MTUS2: variants seen among roughly 807,000 people sequenced by gnomAD.
MTUS2 encodes microtubule-associated tumor suppressor candidate 2.
Under a neutral mutation model 114.1 loss-of-function variants are expected in MTUS2, and 40 were observed. That is an observed-to-expected ratio of 0.35 (90% CI 0.27 to 0.46). MTUS2 has a LOEUF of 0.46. Among genes scored for constraint, MTUS2 ranks in the 20% least tolerant of loss-of-function variants. The probability of loss-of-function intolerance (pLI) is 1.00; values close to 1 mark genes in which losing one functional copy is unlikely to be tolerated. For missense variants in MTUS2, 1,679 were observed against 1,705.4 expected, an observed-to-expected ratio of 0.98 and a Z score of 0.27; for synonymous variants, 688 against 672.0, an observed-to-expected ratio of 1.02 and a Z score of -0.37.
chr13:29,428,714 A>AGG, intron 8 of MTUS2: 2 of 1,520,710 alleles, frequency 1.3e-6, no homozygotes, highest in Non-Finnish European at 8.8e-7. Flanking sequence ...AAGGTAGCCA[A>AGG]GGGAACCACA....
chr13:28,988,490 G>T (rs1884685041), intron 2 of MTUS2, among the ~76,000 whole-genome samples: 1 of 152,256 alleles, frequency 6.6e-6, no homozygotes, highest in East Asian at 1.9e-4. Context: ...TATCCCTACT[G>T]TTCTACTAGA....
At chr13:29,120,259 T>C (rs1019747959) in intron 5 of MTUS2, among the ~76,000 whole-genome samples, 1 of 152,106 alleles carries the variant, frequency 6.6e-6, no homozygotes, top group African/African-American at 2.4e-5. Flanking sequence ...GGTATTCATA[T>C]CATGAATACC....
chr13:29,307,377 T>C, intron 6 of MTUS2: 1 of 843,712 alleles, frequency 1.2e-6, no homozygotes, highest in South Asian at 1.4e-5. Flanking sequence ...GTGATAGCCA[T>C]GGGGCTCTCC....
intron 5 of MTUS2, among the ~76,000 whole-genome samples, chr13:29,121,518 T>A (rs1317607037): frequency 1.3e-5 from 2 of 152,274 alleles, no homozygotes; most frequent in Admixed American, 1.3e-4. Flanking sequence ...TGGGGAATTT[T>A]AAAAAGATAT....
intron 3 of MTUS2, among the ~76,000 whole-genome samples, chr13:29,029,273 G>A (rs762634041): frequency 7.9e-5 from 12 of 152,194 alleles, no homozygotes; most frequent in East Asian, 3.8e-4. Flanking sequence ...CTTGCTGTGC[G>A]GGGCTGCATG....
At chr13:29,475,645 G>T (rs2138867125) in intron 9 of MTUS2, among the ~76,000 whole-genome samples, 1 of 152,112 alleles carries the variant, frequency 6.6e-6, no homozygotes, top group Non-Finnish European at 1.5e-5. Flanking sequence ...TAACAAAAAA[G>T]CTTAAAAAGT....
At chr13:28,975,142 C>T (rs982972436) in intron 2 of MTUS2, among the ~76,000 whole-genome samples, 9 of 151,768 alleles carry the variant, frequency 5.9e-5, no homozygotes, top group Admixed American at 1.3e-4. Flanking sequence ...GTAGGCAGCC[C>T]GATTGGATCC....
chr13:28,873,337 C>T (rs988606521), intron 2 of MTUS2, among the ~76,000 whole-genome samples: 1 of 152,192 alleles, frequency 6.6e-6, no homozygotes, highest in African/African-American at 2.4e-5. Flanking sequence ...AACCCACTCT[C>T]ATCATTTAGA....
chr13:29,303,159 C>T (rs1899284870), intron 6 of MTUS2, among the ~76,000 whole-genome samples: 1 of 152,184 alleles, frequency 6.6e-6, no homozygotes, highest in Non-Finnish European at 1.5e-5. Context: ...AGGTCAGCAA[C>T]CTCAAAGATC....
At chr13:28,986,715 A>G (rs140946197) in intron 2 of MTUS2, among the ~76,000 whole-genome samples, 50 of 152,262 alleles carry the variant, frequency 3.3e-4, no homozygotes, top group African/African-American at 1.0e-3. Context: ...AATAGTGACA[A>G]TGTTAATAGC....
intron 5 of MTUS2, among the ~76,000 whole-genome samples, chr13:29,131,556 G>A (rs1179866923): frequency 6.6e-6 from 1 of 152,260 alleles, no homozygotes; most frequent in African/African-American, 2.4e-5. Context: ...GTGGGGCAGA[G>A]GCATTGTCTT....
chr13:29,111,755 G>A (rs890308601), intron 5 of MTUS2, among the ~76,000 whole-genome samples: 2 of 152,170 alleles, frequency 1.3e-5, no homozygotes, highest in East Asian at 1.9e-4. Flanking sequence ...TAGACAGAGC[G>A]AAGAGATTGA....
At chr13:29,269,548 G>A (rs1897796646) in intron 5 of MTUS2, among the ~76,000 whole-genome samples, 1 of 152,108 alleles carries the variant, frequency 6.6e-6, no homozygotes. Flanking sequence ...TTATTAAAAG[G>A]ACAAAAGATA....
intron 6 of MTUS2, among the ~76,000 whole-genome samples, chr13:29,302,454 G>C (rs957879407): frequency 6.6e-6 from 1 of 152,138 alleles, no homozygotes; most frequent in Non-Finnish European, 1.5e-5. Context: ...CACACACACA[G>C]TCCCAGGAGT....
Position 29,195,543 on chromosome 13 carries a change from A to G in MTUS2, c.2645-86161A>G, listed in dbSNP as rs916689410. Among the ~76,000 whole-genome samples the G allele has an allele frequency of 2.4e-3, 355 of 147,738 alleles. 2 individuals are homozygous for G. The highest frequency in any genetic ancestry group is 7.4e-3 in the African/African-American group (302 of 40,734). ...CACAGATTAAAACTTAATTCTGAAA[A>G]AAAAAAAAAAAAAAAAAAGAGCTAC... On this transcript the variant is annotated intron_variant, in intron 5 of 15. Transcript: ENST00000612955.
chr13:28,924,051 A>G (rs1204947053), intron 2 of MTUS2, among the ~76,000 whole-genome samples: 1 of 151,948 alleles, frequency 6.6e-6, no homozygotes, highest in East Asian at 1.9e-4. Flanking sequence ...TGTGGCTCAT[A>G]TGTATTGTCA....
At chr13:29,394,136 A>G (rs1873723450) in intron 8 of MTUS2, among the ~76,000 whole-genome samples, 1 of 152,176 alleles carries the variant, frequency 6.6e-6, no homozygotes, top group African/African-American at 2.4e-5. Flanking sequence ...GTCAAACTTT[A>G]TAAAATATTT....
chr13:29,023,553 G>A (rs1886381686), intron 2 of MTUS2, among the ~76,000 whole-genome samples: 1 of 152,136 alleles, frequency 6.6e-6, no homozygotes, highest in African/African-American at 2.4e-5. Flanking sequence ...TCTAAAGCAT[G>A]TATATTTCAA....
chr13:29,115,163 G>T (rs1371127723), intron 5 of MTUS2, among the ~76,000 whole-genome samples: 1 of 152,170 alleles, frequency 6.6e-6, no homozygotes, highest in Admixed American at 6.5e-5. Context: ...AGAATGTCTA[G>T]ATCCCATTAA....
Sources: allele counts gnomAD v4.1 joint callset (sites outside exome capture counted in the v4.1 genomes callset), GRCh38; gene constraint gnomAD v4.1.1; transcripts MANE v1.5; gene names NCBI Gene and HGNC (gene_info 2026-07-23, HGNC 2026-07-21).